Variants in ADAM12 observed in about 807,000 individuals in gnomAD.
ADAM12 encodes ADAM metallopeptidase domain 12, also known as disintegrin and metalloproteinase domain-containing protein 12.
ADAM12 carries 70 observed loss-of-function variants against 106.4 expected under a neutral mutation model. That is an observed-to-expected ratio of 0.66 (90% CI 0.54 to 0.80). ADAM12 has a LOEUF of 0.80. Ranked by LOEUF, ADAM12 falls within the 30% of genes least tolerant of loss-of-function variation. ADAM12 has a pLI of 0.00. For missense variants in ADAM12, 1,010 were observed against 1,171.9 expected, an observed-to-expected ratio of 0.86 and a Z score of 2.02; for synonymous variants, 420 against 433.5, an observed-to-expected ratio of 0.97 and a Z score of 0.39.
chr10:126,157,413 C>A (rs1956839527), intron 3 of ADAM12, among the ~76,000 whole-genome samples: 1 of 152,192 alleles, frequency 6.6e-6, no homozygotes, highest in African/African-American at 2.4e-5. Flanking sequence ...CGGGAATATG[C>A]AAATGTCAGA....
At chr10:126,330,592 G>C (rs770450280) in intron 1 of ADAM12, 83 bp from the exon 2 acceptor site, 4 of 1,223,022 alleles carry the variant, frequency 3.3e-6, no homozygotes, top group Non-Finnish European at 4.6e-6. Context: ...AAATGACACA[G>C]TGAAAATATT....
At position 126,043,105 on chromosome 10, in the gene ADAM12, G is replaced by C; in HGVS notation, c.2039C>G (p.Ala680Gly). 5.6e-6 allele frequency: 9 copies of C among 1,614,198 alleles called. No homozygotes were observed. The highest frequency in any genetic ancestry group is 7.6e-6 in the Non-Finnish European group (9 of 1,180,026). Residue 680 changes from alanine (A) to glycine (G), a missense_variant, in exon 18 of 23, where the codon GCA (alanine) becomes GGA (glycine). By Grantham distance (60) the Ala-to-Gly change is moderately conservative. This residue lies in a region of ADAM12 where 615 missense variants were observed against 708.5 expected (regional missense o/e 0.87). Transcript: ENST00000448723. The surrounding 1 kb of genome is among the most constrained non-coding windows in gnomAD (Gnocchi z 4.1). ...GCCAAACTTGTCACAGAAGGGAGGT[G>C]CCCAGTGGGCCTCGCAGTGGCAGTT... ...RKNCHCEAHW[A>G]PPFCDKFGFG... is the part of the protein sequence containing the mutation.
chr10:126,179,652 A>G (rs764578724), intron 3 of ADAM12, among the ~76,000 whole-genome samples: 77 of 152,298 alleles, frequency 5.1e-4, no homozygotes, highest in Non-Finnish European at 8.4e-4. Context: ...TTCAATAAAC[A>G]CTGAGTGCCG....
intron 11 of ADAM12, among the ~76,000 whole-genome samples, chr10:126,074,995 A>G (rs560319737): frequency 7.0e-4 from 107 of 152,132 alleles, no homozygotes; most frequent in African/African-American, 2.4e-3. Flanking sequence ...TTCTCTTCCC[A>G]CCAACCTGGG....
intron 2 of ADAM12, among the ~76,000 whole-genome samples, chr10:126,319,511 T>C (rs1373422664): frequency 6.6e-6 from 1 of 152,144 alleles, no homozygotes; most frequent in Non-Finnish European, 1.5e-5. Flanking sequence ...GGCCAGTCTA[T>C]GCCACACCTG....
At chr10:126,292,073 C>T (rs1960176269) in intron 2 of ADAM12, among the ~76,000 whole-genome samples, 1 of 151,892 alleles carries the variant, frequency 6.6e-6, no homozygotes, top group Admixed American at 6.6e-5. Flanking sequence ...AGAAGATGCT[C>T]GACGCCAAAT....
intron 3 of ADAM12, among the ~76,000 whole-genome samples, chr10:126,195,529 G>C: frequency 6.6e-6 from 1 of 152,110 alleles, no homozygotes; most frequent in East Asian, 1.9e-4. Flanking sequence ...GAGCCAAATC[G>C]CACCATTGCA....
chr10:126,057,304 AT>A (rs1426604087), intron 14 of ADAM12, among the ~76,000 whole-genome samples: 1 of 58,068 alleles, frequency 1.7e-5, no homozygotes, highest in Non-Finnish European at 3.8e-5. Flanking sequence ...AGCATGGCAC[AT>A]GTATACATAT....
chr10:126,192,239 G>C (rs1316117711), intron 3 of ADAM12, among the ~76,000 whole-genome samples: 1 of 152,142 alleles, frequency 6.6e-6, no homozygotes, highest in African/African-American at 2.4e-5. Context: ...CAATCTTTTT[G>C]TGGTCCTTAT....
intron 3 of ADAM12, among the ~76,000 whole-genome samples, chr10:126,252,770 C>T (rs909274604): frequency 6.6e-6 from 1 of 152,094 alleles, no homozygotes; most frequent in Admixed American, 6.5e-5. Flanking sequence ...TACCCGCTTT[C>T]TCGGTGTCTG....
chr10:126,258,901 T>C (rs1485410796), intron 3 of ADAM12, among the ~76,000 whole-genome samples: 1 of 152,208 alleles, frequency 6.6e-6, no homozygotes, highest in African/African-American at 2.4e-5. Context: ...CTCTTTGGCA[T>C]CTCACAGCTC....
At chr10:126,253,693 G>A (rs1958831537) in intron 3 of ADAM12, among the ~76,000 whole-genome samples, 1 of 152,170 alleles carries the variant, frequency 6.6e-6, no homozygotes, top group Non-Finnish European at 1.5e-5. Context: ...TTTGTGGGTT[G>A]GGTGGGGGGA....
Position 126,049,487 on chromosome 10 carries a change from A to T in ADAM12, c.1719-36T>A. 6.2e-7 allele frequency: 1 copy of T among 1,613,890 alleles called. No individual in the cohort carries two copies. Among genetic ancestry groups the T allele is most frequent in the Non-Finnish European group, 8.5e-7 (1 of 1,179,750 alleles). ...AAGAACAAACAATTCCCAAGGAGAAACCATTTGGAACCAACCCTATGCAAT... is the reference window on the plus strand; with the variant it reads ...AAGAACAAACAATTCCCAAGGAGAATCCATTTGGAACCAACCCTATGCAAT... On this transcript the variant is annotated intron_variant, in intron 15 of 22. Transcript: ENST00000448723. This position sits in a 1 kb window ranked among gnomAD's most constrained non-coding sequence, Gnocchi z 4.4.
intron 1 of ADAM12, among the ~76,000 whole-genome samples, chr10:126,380,760 C>T (rs941177647): frequency 2.6e-5 from 4 of 152,240 alleles, no homozygotes; most frequent in Non-Finnish European, 4.4e-5. Flanking sequence ...AGAGACCTGA[C>T]AATTAAAGAG....
intron 1 of ADAM12, among the ~76,000 whole-genome samples, chr10:126,350,397 C>G (rs532810126): frequency 2.0e-5 from 3 of 152,252 alleles, no homozygotes; most frequent in South Asian, 2.1e-4. Context: ...CGGCCAAGCC[C>G]GAGTGAAGCA....
In ADAM12 at chr10:126,043,117, T is replaced by G. The variant is rs775328000; in HGVS notation, c.2027A>C (p.Glu676Ala). The G allele has an allele frequency of 6.2e-7, 1 of 1,614,178 alleles. No homozygotes were observed. The highest frequency in any genetic ancestry group is 1.1e-5 in the South Asian group (1 of 91,084). Residue 676 changes from glutamate (E) to alanine (A), a missense_variant, in exon 18 of 23, where the codon GAG becomes GCG. Glu to Ala is a moderately radical substitution (Grantham distance 107). Transcript: ENST00000448723. The surrounding 1 kb of genome is among the most constrained non-coding windows in gnomAD (Gnocchi z 4.1). Reference sequence around the variant, plus strand: ...ACAGAAGGGAGGTGCCCAGTGGGCCTCGCAGTGGCAGTTCTTCCTGTTGTT... The same window carrying G: ...ACAGAAGGGAGGTGCCCAGTGGGCCGCGCAGTGGCAGTTCTTCCTGTTGTT... ...VCNNRKNCHCEAHWAPPFCDK... is the reference protein window; with the variant it reads ...VCNNRKNCHCAAHWAPPFCDK...
chr10:126,049,399 T>A lies in ADAM12; in HGVS notation c.1771A>T (p.Ile591Phe). Residue 591 changes from isoleucine to phenylalanine, a missense_variant, in exon 16 of 23, where the codon ATT (isoleucine) becomes TTT (phenylalanine). Ile to Phe is a conservative substitution (Grantham distance 21, BLOSUM62 0). Transcript: ENST00000448723. This position sits in a 1 kb window ranked among gnomAD's most constrained non-coding sequence, Gnocchi z 4.4. ...QCQGGASRPV[I>F]GTNAVSIETN... ...TCTATGGAAACGGCATTGGTACCAA[T>A]GACTGGCCGGCTGGCACCTCCTTGA... 6.2e-7 allele frequency: 1 copy of A among 1,614,206 alleles called. No individual in the cohort carries two copies. Among genetic ancestry groups the A allele is most frequent in the Non-Finnish European group, 8.5e-7 (1 of 1,180,036 alleles).
chr10:126,215,573 T>C (rs868366601), intron 3 of ADAM12, among the ~76,000 whole-genome samples: 13 of 152,014 alleles, frequency 8.6e-5, no homozygotes, highest in African/African-American at 3.1e-4. Context: ...AACCTTTATA[T>C]AAAAAGTGAT....
intron 8 of ADAM12, among the ~76,000 whole-genome samples, chr10:126,107,060 A>C (rs1238272281): frequency 6.6e-6 from 1 of 152,194 alleles, no homozygotes; most frequent in Admixed American, 6.5e-5. Flanking sequence ...ATGCATGTAC[A>C]CAAACACACA....
Sources: allele counts gnomAD v4.1 joint callset (sites outside exome capture counted in the v4.1 genomes callset), GRCh38; gene constraint gnomAD v4.1.1; regional missense constraint gnomAD v4.1.1; non-coding constraint Gnocchi (gnomAD v3.1); transcripts MANE v1.5; gene names NCBI Gene and HGNC (gene_info 2026-07-23, HGNC 2026-07-21).